The following NUP133 variants were observed in gnomAD, a reference collection of about 807,000 sequenced individuals.
The protein encoded by NUP133 is nucleoporin 133.
A neutral mutation model predicts 146.2 loss-of-function variants in NUP133; 66 were observed. The ratio of observed to expected loss-of-function variants is 0.45; its 90% CI spans 0.37 to 0.55. The LOEUF is 0.55. Among genes scored for constraint, NUP133 ranks in the 20% least tolerant of loss-of-function variants. The pLI, the probability that NUP133 is intolerant of heterozygous loss-of-function variation, is 0.00. For synonymous variants in NUP133, 521 were observed against 498.8 expected (o/e 1.04, Z -0.59); for missense variants, 1,277 against 1,374.8 (o/e 0.93, Z 1.12).
rs766818317 is a variant in NUP133 at position 229,460,712 on chromosome 1, A to C, written c.2743T>G (p.Leu915Val). Residue 915 changes from leucine (L) to valine (V), a missense_variant, in exon 20 of 26, where the codon TTA (leucine) becomes GTA (valine). Coordinates refer to ENST00000261396, the MANE Select transcript of NUP133 (RefSeq NM_018230.3). ...CCATGCTGAGAAATGGGCTGAGATA[A>C]TAATTTGCCTCGCTTTCCTTTCTCC... The part of the protein sequence containing the change: ...YLEKGKRGKL[L>V]SQPISQHGQL... The C allele has an allele frequency of 6.2e-7, 1 of 1,614,124 alleles. No homozygotes were observed. Among genetic ancestry groups the C allele is most frequent in the Non-Finnish European group, 8.5e-7 (1 of 1,179,998 alleles).
intron 5 of NUP133, among the ~76,000 whole-genome samples, chr1:229,498,510 G>A (rs1375901012): frequency 1.3e-5 from 2 of 152,036 alleles, no homozygotes; most frequent in African/African-American, 4.8e-5. Flanking sequence ...ACTCTCATAA[G>A]AAAAAAACTG....
chr1:229,476,929 AAAAAAAAAAAAC>A (rs764474857), intron 13 of NUP133, among the ~76,000 whole-genome samples: 31 of 120,370 alleles, frequency 2.6e-4, no homozygotes, highest in African/African-American at 7.7e-4. Flanking sequence ...CCCTGTTTCC[AAAAAAAAAAAAC>A]AAAAAAAAAA....
At position 229,494,862 on chromosome 1, in the gene NUP133, G is replaced by A. The variant is rs889963048; in HGVS notation, c.1046+633C>T. On this transcript the variant is annotated intron_variant, in intron 8 of 25. Coordinates refer to ENST00000261396, the MANE Select transcript of NUP133 (RefSeq NM_018230.3). ...CCAATGAGAGAAAGATCACAGCATG[G>A]GGCAGCCACAGCAGTGGGCAATGAC... Among the ~76,000 whole-genome samples, 5 of 152,318 alleles carry A rather than the reference G, an allele frequency of 3.3e-5. No individual in the cohort carries two copies. In the East Asian group the frequency reaches 9.6e-4, roughly 29 times the overall value.
At chr1:229,447,151 G>A (rs1660320320) in intron 24 of NUP133, among the ~76,000 whole-genome samples, 1 of 152,128 alleles carries the variant, frequency 6.6e-6, no homozygotes, top group Non-Finnish European at 1.5e-5. Flanking sequence ...TAAGGGATGT[G>A]TATTTCTATG....
chr1:229,492,905 C>A (rs1204615621), intron 8 of NUP133, among the ~76,000 whole-genome samples: 1 of 151,698 alleles, frequency 6.6e-6, no homozygotes, highest in Non-Finnish European at 1.5e-5. Flanking sequence ...ACCCCAAAAA[C>A]CATTGAAATA....
chr1:229,483,556 T>A (rs1236815155), intron 12 of NUP133, among the ~76,000 whole-genome samples: 1 of 151,964 alleles, frequency 6.6e-6, no homozygotes, highest in Admixed American at 6.6e-5. Context: ...AATAAAAAAA[T>A]TAGCTAGGTG....
intron 6 of NUP133, 89 bp downstream of exon 6, chr1:229,498,047 T>G: frequency 2.2e-6 from 2 of 894,788 alleles, no homozygotes; most frequent in Non-Finnish European, 3.3e-6. Context: ...CTACTGTCCA[T>G]ATGGAGGAAT....
In NUP133 at chr1:229,487,469, G is replaced by A. The variant is rs1661384296; in HGVS notation, c.1339C>T (p.Gln447Ter). Residue 447 changes from glutamine (Q) to a stop codon, truncating the protein, a stop_gained, in exon 10 of 26, where the codon CAA becomes TAA. Coordinates refer to ENST00000261396, the MANE Select transcript of NUP133 (RefSeq NM_018230.3). LOFTEE classifies it high-confidence loss of function. ...CTTTCTAAAACTGCTACTGTACCTT[G>A]TGCATTAAAGACAATTTTCTCCTGG... ...LPQEKIVFNAQGDSVLGAGAC... is the reference protein window; with the variant it reads ...LPQEKIVFNA The A allele has an allele frequency of 6.2e-7, 1 of 1,612,870 alleles. No individual in the cohort carries two copies. Among genetic ancestry groups the A allele is most frequent in the Non-Finnish European group, 8.5e-7 (1 of 1,179,722 alleles).
intron 12 of NUP133, among the ~76,000 whole-genome samples, chr1:229,479,071 C>CA (rs901954074): frequency 6.0e-5 from 9 of 150,532 alleles, no homozygotes; most frequent in African/African-American, 2.2e-4. Context: ...ATGACAGAGA[C>CA]AGAGAGAGAG....
At chr1:229,481,490 T>G (rs931481850) in intron 12 of NUP133, among the ~76,000 whole-genome samples, 1 of 152,050 alleles carries the variant, frequency 6.6e-6, no homozygotes, top group African/African-American at 2.4e-5. Context: ...GGGTGGATCT[T>G]GAGTCCAGGA....
intron 12 of NUP133, among the ~76,000 whole-genome samples, chr1:229,480,584 C>T (rs1337412431): frequency 6.6e-6 from 1 of 152,146 alleles, no homozygotes; most frequent in Non-Finnish European, 1.5e-5. Context: ...GACAGTCACA[C>T]TTAAAAGTGT....
chr1:229,472,596 C>A (rs1252667197), intron 14 of NUP133, among the ~76,000 whole-genome samples: 1 of 151,334 alleles, frequency 6.6e-6, no homozygotes, highest in Non-Finnish European at 1.5e-5. Flanking sequence ...ATGGGAAGAT[C>A]ACCTGAGCCC....
chr1:229,495,409 T>C, intron 8 of NUP133, 86 bp downstream of exon 8: 1 of 893,506 alleles, frequency 1.1e-6, no homozygotes, highest in East Asian at 2.5e-5. Context: ...GAGCACATAG[T>C]GAGATTGCTC....
intron 17 of NUP133, 46 bp downstream of exon 17, chr1:229,465,374 C>T (rs1205387670): frequency 2.8e-6 from 4 of 1,415,476 alleles, no homozygotes; most frequent in Admixed American, 1.8e-5. Context: ...AATGATGGGT[C>T]ATTAGAAATA....
Position 229,477,767 on chromosome 1 carries a change from T to C in NUP133, c.1593-7A>G, listed in dbSNP as rs771514880. The C allele has an allele frequency of 6.3e-7, 1 of 1,597,138 alleles. No homozygotes were observed. Among genetic ancestry groups the C allele is most frequent in the Non-Finnish European group, 8.5e-7 (1 of 1,170,234 alleles). Reference sequence around the variant, plus strand: ...AGCATGACCTAAATCTTTTCTGAAATAAAATTGGAAAACACAAGTATTAAG... The same window carrying C: ...AGCATGACCTAAATCTTTTCTGAAACAAAATTGGAAAACACAAGTATTAAG... On this transcript the variant is annotated splice_region_variant and splice_polypyrimidine_tract_variant and intron_variant, in intron 12 of 25. Coordinates refer to ENST00000261396, the MANE Select transcript of NUP133 (RefSeq NM_018230.3).
At chr1:229,479,833 A>C (rs1261872615) in intron 12 of NUP133, among the ~76,000 whole-genome samples, 1 of 152,206 alleles carries the variant, frequency 6.6e-6, no homozygotes, top group African/African-American at 2.4e-5. Flanking sequence ...AATGTGGTCG[A>C]CAACTGAGAA....
intron 21 of NUP133, among the ~76,000 whole-genome samples, chr1:229,453,223 A>C (rs1354007192): frequency 6.6e-6 from 1 of 152,098 alleles, no homozygotes; most frequent in Non-Finnish European, 1.5e-5. Context: ...ACTCCCCAAA[A>C]GCTTAACTGC....
At chr1:229,460,575 T>C (rs769326225) in intron 20 of NUP133, 36 bp downstream of exon 20, 51 of 1,573,358 alleles carry the variant, frequency 3.2e-5, no homozygotes, top group Non-Finnish European at 4.1e-5. Context: ...CCTAAATAAA[T>C]TGCACACATC....
Position 229,495,913 on chromosome 1 carries a change from T to C in NUP133, c.954A>G (p.Glu318=). Residue 318 remains glutamate, a synonymous_variant, in exon 7 of 26, where the codon GAA becomes GAG. Coordinates refer to ENST00000261396, the MANE Select transcript of NUP133 (RefSeq NM_018230.3). ...YSWDINRALK[E]NITDAIWGSE... ...TTACCCAAATAGCATCGGTAATGTT[T>C]TCCTTCAGGGCTCTATTTATATCCC... is the stretch of plus-strand genomic sequence containing the variant. 1 of 1,597,440 alleles carries C rather than the reference T, an allele frequency of 6.3e-7. No homozygotes were observed. The highest frequency in any genetic ancestry group is 1.1e-5 in the South Asian group (1 of 87,476).
Sources: allele counts gnomAD v4.1 joint callset (sites outside exome capture counted in the v4.1 genomes callset), GRCh38; gene constraint gnomAD v4.1.1; transcripts MANE v1.5; gene names NCBI Gene and HGNC (gene_info 2026-07-23, HGNC 2026-07-21).